The following ZSCAN5A variants were observed in gnomAD, a reference collection of about 807,000 sequenced individuals.
ZSCAN5A encodes zinc finger and SCAN domain-containing protein 5A.
A neutral mutation model predicts 23.7 loss-of-function variants in ZSCAN5A; 12 were observed. The ratio of observed to expected loss-of-function variants is 0.51; its 90% CI spans 0.32 to 0.82. The LOEUF (loss-of-function observed/expected upper bound fraction) is 0.82, where lower values mean the gene tolerates loss of function less well. ZSCAN5A is among the 40% of genes least tolerant of loss of function. The pLI, the probability that ZSCAN5A is intolerant of heterozygous loss-of-function variation, is 0.03. For missense variants in ZSCAN5A, 597 were observed against 617.9 expected (o/e 0.97, Z 0.36); for synonymous variants, 257 against 239.9 (o/e 1.07, Z -0.66).
At chr19:56,318,193 T>C (rs2041337854), upstream of ZSCAN5A, among the ~76,000 whole-genome samples, 2 of 152,098 alleles carry the variant, frequency 1.3e-5, no homozygotes, top group African/African-American at 2.4e-5. Flanking sequence ...ATATGTGTTC[T>C]GCATGTGTTT....
chr19:56,326,291 T>C (rs2041433180), intron 2 of ZSCAN5A, among the ~76,000 whole-genome samples: 1 of 147,610 alleles, frequency 6.8e-6, no homozygotes, highest in Admixed American at 6.7e-5. Context: ...TATATCCACA[T>C]CTCACAGTTA....
chr19:56,322,687 T>G (rs1452941145), intron 2 of ZSCAN5A, among the ~76,000 whole-genome samples: 4 of 152,128 alleles, frequency 2.6e-5, no homozygotes, highest in Admixed American at 6.6e-5. Context: ...AGGGGATTAG[T>G]TCTAGGATCA....
At chr19:56,268,580 C>G (rs1568670955) in intron 2 of ZSCAN5A, among the ~76,000 whole-genome samples, 1 of 152,028 alleles carries the variant, frequency 6.6e-6, no homozygotes, top group Admixed American at 6.6e-5. Flanking sequence ...TTTTTAATTG[C>G]TATTTTTAGA....
chr19:56,287,729 C>T (rs967077534), intron 2 of ZSCAN5A, among the ~76,000 whole-genome samples: 3 of 152,138 alleles, frequency 2.0e-5, no homozygotes, highest in African/African-American at 7.2e-5. Context: ...AGTCATTAAA[C>T]AGGTGGGGAA....
chr19:56,343,594 A>C (rs2147451444), intron 2 of ZSCAN5A, among the ~76,000 whole-genome samples: 1 of 152,360 alleles, frequency 6.6e-6, no homozygotes, highest in East Asian at 1.9e-4. Flanking sequence ...AGAGATGAGG[A>C]AATGGATGTT....
intron 2 of ZSCAN5A, among the ~76,000 whole-genome samples, chr19:56,237,529 A>G (rs897181033): frequency 3.3e-5 from 5 of 152,116 alleles, no homozygotes; most frequent in South Asian, 2.1e-4. Context: ...TATTAAATGC[A>G]TTTTTTATCT....
intron 2 of ZSCAN5A, chr19:56,310,001 G>T (rs958556109): frequency 6.6e-6 from 1 of 152,414 alleles, no homozygotes; most frequent in Non-Finnish European, 1.5e-5. Context: ...GAGGGAGGAG[G>T]TGGGCTTGAG....
intron 2 of ZSCAN5A, among the ~76,000 whole-genome samples, chr19:56,350,622 G>A (rs758094025): frequency 6.6e-6 from 1 of 152,026 alleles, no homozygotes; most frequent in Non-Finnish European, 1.5e-5. Flanking sequence ...CTATATTAAC[G>A]TTTCTGGTAA....
intron 2 of ZSCAN5A, among the ~76,000 whole-genome samples, chr19:56,292,269 A>G (rs1035890144): frequency 2.6e-5 from 4 of 152,162 alleles, no homozygotes; most frequent in Admixed American, 2.6e-4. Context: ...ACAAAACATG[A>G]AATTTACCAT....
chr19:56,223,552 C>G, intron 4 of ZSCAN5A, 79 bp downstream of exon 4: 1 of 1,452,272 alleles, frequency 6.9e-7, no homozygotes, highest in Non-Finnish European at 9.4e-7. Flanking sequence ...TCAAATCTCT[C>G]AATCAGTCCA....
intron 2 of ZSCAN5A, among the ~76,000 whole-genome samples, chr19:56,236,947 G>A (rs1391381479): frequency 1.3e-5 from 2 of 152,040 alleles, no homozygotes; most frequent in African/African-American, 2.4e-5. Context: ...TCCAGCCTCT[G>A]ACGGACGGTG....
At chr19:56,258,945 C>T (rs1241794891) in intron 2 of ZSCAN5A, among the ~76,000 whole-genome samples, 7 of 152,084 alleles carry the variant, frequency 4.6e-5, no homozygotes, top group African/African-American at 1.4e-4. Context: ...ACCTAGCCCA[C>T]GACACACGGA....
At position 56,348,347 on chromosome 19, in the gene ZSCAN5A, CGCTT is replaced by C. The variant is rs141931507; in HGVS notation, c.-358+14884_-358+14887del. Among the ~76,000 whole-genome samples the C allele has an allele frequency of 9.2e-3, 1,403 of 152,278 alleles. 21 individuals carry two copies. Among genetic ancestry groups the C allele is most frequent in the African/African-American group, 0.033 (1,356 of 41,550 alleles). On this transcript the variant is annotated intron_variant, in intron 2 of 6. Coordinates refer to the ZSCAN5A transcript ENST00000587340. ...CTTTTTCTCAACCTTAGTTGACACA[CGCTT>C]GCAAGCCATTGTCATGATAGCTCTA...
At chr19:56,320,467 A>G (rs1185306506) in intron 2 of ZSCAN5A, among the ~76,000 whole-genome samples, 1 of 152,092 alleles carries the variant, frequency 6.6e-6, no homozygotes, top group African/African-American at 2.4e-5. Flanking sequence ...CCCAATCTCT[A>G]CTAAAAATAC....
intron 2 of ZSCAN5A, among the ~76,000 whole-genome samples, chr19:56,323,173 C>T (rs1444959441): frequency 3.3e-5 from 5 of 151,730 alleles, no homozygotes; most frequent in Non-Finnish European, 2.9e-5. Context: ...GGATTACAGG[C>T]GTGAGCCACC....
At chr19:56,296,663 T>C (rs975333774) in intron 2 of ZSCAN5A, among the ~76,000 whole-genome samples, 2 of 152,098 alleles carry the variant, frequency 1.3e-5, no homozygotes, top group Non-Finnish European at 2.9e-5. Flanking sequence ...CAAAGAGCAG[T>C]AGTTATAGGT....
chr19:56,319,476 A>G (rs1600278811), upstream of ZSCAN5A, among the ~76,000 whole-genome samples: 1 of 144,364 alleles, frequency 6.9e-6, no homozygotes, highest in Non-Finnish European at 1.5e-5. Flanking sequence ...AGCCTGGGCG[A>G]CAGACCAAGG....
rs557404722 is a variant in ZSCAN5A, at chr19:56,327,281, T to G, written c.-357-11013A>C. Among the ~76,000 whole-genome samples, 3 of 151,174 alleles carry G rather than the reference T, an allele frequency of 2.0e-5. No homozygotes were observed. The East Asian group carries it at 5.8e-4, about 29-fold the overall frequency. Reference sequence around the variant, plus strand: ...AAAGGTGCATCCCACCGCACCTGGCTATGTTTTTTATTCTTTATAGAAATG... The same window carrying G: ...AAAGGTGCATCCCACCGCACCTGGCGATGTTTTTTATTCTTTATAGAAATG... On this transcript the variant is annotated intron_variant, in intron 2 of 6. Coordinates refer to the ZSCAN5A transcript ENST00000587340.
upstream of ZSCAN5A, chr19:56,317,650 C>T (rs989970664): frequency 7.2e-5 from 11 of 152,306 alleles, no homozygotes; most frequent in African/African-American, 2.7e-4. Context: ...CTGGAAGGCC[C>T]TGCAGAAAAC....
Sources: gnomAD v4.1 joint callset for allele counts (sites outside exome capture counted in the v4.1 genomes callset) on GRCh38, gnomAD v4.1.1 for gene constraint, MANE v1.5 for transcripts, NCBI Gene and HGNC (gene_info 2026-07-23, HGNC 2026-07-21) for gene names.